GALNTL6: variants seen among roughly 807,000 people sequenced by gnomAD.
GALNTL6 encodes the protein polypeptide N-acetylgalactosaminyltransferase like 6, also known as polypeptide N-acetylgalactosaminyltransferase-like 6.
A neutral mutation model predicts 73.7 loss-of-function variants in GALNTL6; 46 were observed. The ratio of observed to expected loss-of-function variants is 0.62; its 90% CI spans 0.49 to 0.80. The LOEUF (loss-of-function observed/expected upper bound fraction) is 0.80, where lower values mean the gene tolerates loss of function less well. GALNTL6 is among the 30% of genes least tolerant of loss of function. The pLI is 0.00. For missense variants in GALNTL6, 604 were observed against 755.0 expected, an observed-to-expected ratio of 0.80 and a Z score of 2.34; for synonymous variants, 259 against 263.7, an observed-to-expected ratio of 0.98 and a Z score of 0.17.
At chr4:171,826,000 A>G (rs1734815330) in intron 2 of GALNTL6, among the ~76,000 whole-genome samples, 1 of 152,202 alleles carries the variant, frequency 6.6e-6, no homozygotes, top group Non-Finnish European at 1.5e-5. Context: ...GCAACCAGAA[A>G]GTAAATATAG....
At chr4:172,949,987 C>T (rs541267806) in intron 9 of GALNTL6, among the ~76,000 whole-genome samples, 1 of 150,538 alleles carries the variant, frequency 6.6e-6, no homozygotes, top group South Asian at 2.1e-4. Flanking sequence ...GGCCTGAGGA[C>T]AAGTAAAATA....
At chr4:171,927,946 A>G (rs529566525) in intron 2 of GALNTL6, among the ~76,000 whole-genome samples, 1 of 152,160 alleles carries the variant, frequency 6.6e-6, no homozygotes, top group South Asian at 2.1e-4. Context: ...TATTCATTAC[A>G]TATGTTTCTT....
intron 12 of GALNTL6, among the ~76,000 whole-genome samples, chr4:173,038,650 G>A (rs1753790216): frequency 6.6e-6 from 1 of 152,204 alleles, no homozygotes; most frequent in Non-Finnish European, 1.5e-5. Context: ...TGTTTACACT[G>A]AAAATAGAAA....
intron 7 of GALNTL6, among the ~76,000 whole-genome samples, chr4:172,817,686 C>T (rs1040849542): frequency 5.9e-5 from 9 of 152,276 alleles, no homozygotes; most frequent in Non-Finnish European, 1.2e-4. Flanking sequence ...CATTTGCTTT[C>T]TAAAAGTTTA....
intron 5 of GALNTL6, among the ~76,000 whole-genome samples, chr4:172,554,281 T>C (rs1049665151): frequency 2.6e-5 from 4 of 152,194 alleles, no homozygotes; most frequent in Non-Finnish European, 4.4e-5. Context: ...ATGAACTATA[T>C]TGGTGAATTG....
intron 5 of GALNTL6, among the ~76,000 whole-genome samples, chr4:172,701,025 G>T (rs987708834): frequency 6.6e-6 from 1 of 152,110 alleles, no homozygotes; most frequent in African/African-American, 2.4e-5. Context: ...TGCCTGAGAA[G>T]TAGAAATTTA....
intron 3 of GALNTL6, among the ~76,000 whole-genome samples, chr4:172,258,800 T>A (rs1738165446): frequency 6.6e-6 from 1 of 151,246 alleles, no homozygotes; most frequent in African/African-American, 2.4e-5. Flanking sequence ...CTTATGCCTC[T>A]GAGTCCTAAT....
At chr4:172,334,079 G>A (rs1367824912) in intron 4 of GALNTL6, among the ~76,000 whole-genome samples, 1 of 152,038 alleles carries the variant, frequency 6.6e-6, no homozygotes, top group African/African-American at 2.4e-5. Flanking sequence ...AGTGCTATTT[G>A]GTATGGGTTA....
intron 7 of GALNTL6, among the ~76,000 whole-genome samples, chr4:172,827,297 A>G (rs983123463): frequency 4.0e-5 from 6 of 151,734 alleles, no homozygotes; most frequent in Non-Finnish European, 8.8e-5. Flanking sequence ...CTAGCTTTCA[A>G]CTCTCATCTG....
At chr4:172,481,278 C>T (rs1248174570) in intron 5 of GALNTL6, among the ~76,000 whole-genome samples, 1 of 152,040 alleles carries the variant, frequency 6.6e-6, no homozygotes, top group Non-Finnish European at 1.5e-5. Context: ...GGTTTGTGGT[C>T]TCGCAGGCCT....
intron 5 of GALNTL6, among the ~76,000 whole-genome samples, chr4:172,500,072 A>G (rs928705185): frequency 6.6e-6 from 1 of 152,190 alleles, no homozygotes; most frequent in African/African-American, 2.4e-5. Context: ...AGCTGAGTAA[A>G]TCCCAAATAT....
At chr4:172,548,356 A>G (rs1216047230) in intron 5 of GALNTL6, among the ~76,000 whole-genome samples, 1 of 152,236 alleles carries the variant, frequency 6.6e-6, no homozygotes, top group Non-Finnish European at 1.5e-5. Flanking sequence ...TTTACATAAC[A>G]AAATGAGGCT....
At chr4:172,961,447 G>A (rs1750052114) in intron 10 of GALNTL6, among the ~76,000 whole-genome samples, 1 of 152,170 alleles carries the variant, frequency 6.6e-6, no homozygotes, top group Admixed American at 6.5e-5. Flanking sequence ...GGTACTTGCT[G>A]CTAAGGGTGA....
At chr4:173,015,926 AG>A (rs1166364363) in intron 11 of GALNTL6, among the ~76,000 whole-genome samples, 4 of 152,234 alleles carry the variant, frequency 2.6e-5, no homozygotes, top group African/African-American at 9.6e-5. Flanking sequence ...GGCCAGGCCC[AG>A]GGCCCCCTGC....
At chr4:172,925,592 T>A (rs1022880530) in intron 8 of GALNTL6, among the ~76,000 whole-genome samples, 2 of 152,158 alleles carry the variant, frequency 1.3e-5, no homozygotes, top group African/African-American at 4.8e-5. Flanking sequence ...AGCAAGGAAC[T>A]AAAAATGGTG....
chr4:172,639,965 A>T (rs550953796), intron 5 of GALNTL6, among the ~76,000 whole-genome samples: 139 of 148,402 alleles, frequency 9.4e-4, no homozygotes, highest in African/African-American at 2.3e-3. Context: ...TGTCTTTTTT[A>T]AAAAAAATCT....
chr4:172,812,056 GGA>G (rs1741337432), intron 6 of GALNTL6, among the ~76,000 whole-genome samples: 1 of 140,084 alleles, frequency 7.1e-6, no homozygotes, highest in East Asian at 2.1e-4. Flanking sequence ...ATGGATGGAT[GGA>G]TGAACAGACA....
chr4:172,613,658 G>A (rs1738614761), intron 5 of GALNTL6, among the ~76,000 whole-genome samples: 1 of 152,074 alleles, frequency 6.6e-6, no homozygotes, highest in East Asian at 1.9e-4. Context: ...TAAATATTAT[G>A]CCACATCGTT....
chr4:172,745,779 G>A (rs548716744), intron 5 of GALNTL6, among the ~76,000 whole-genome samples: 19 of 152,128 alleles, frequency 1.2e-4, no homozygotes, highest in African/African-American at 4.3e-4. Context: ...TTGAGCATCC[G>A]GTTGAATAAC....
Sources: allele counts gnomAD v4.1 joint callset (sites outside exome capture counted in the v4.1 genomes callset), GRCh38; gene constraint gnomAD v4.1.1; transcripts MANE v1.5; gene names NCBI Gene and HGNC (gene_info 2026-07-23, HGNC 2026-07-21).